Variants in UBE2G2 observed in about 807,000 individuals in gnomAD.
UBE2G2 encodes ubiquitin-conjugating enzyme E2 G2.
In UBE2G2, 10 loss-of-function variants were observed where a neutral mutation model predicts 23.0. That is an observed-to-expected ratio of 0.43 (90% confidence interval 0.27 to 0.74). UBE2G2 has a LOEUF of 0.74. Ranked by LOEUF, UBE2G2 falls within the 30% of genes least tolerant of loss-of-function variation. The pLI is 0.19. For synonymous variants in UBE2G2, 86 were observed against 81.3 expected, an observed-to-expected ratio of 1.06 and a Z score of -0.31; for missense variants, 150 against 218.3, an observed-to-expected ratio of 0.69 and a Z score of 1.97.
intron 4 of UBE2G2, chr21:44,776,982 C>T (rs782113718): frequency 1.7e-5 from 4 of 228,726 alleles, no homozygotes; most frequent in Non-Finnish European, 2.5e-5. Context: ...ACAAATAACA[C>T]TATGACAAAG....
intron 1 of UBE2G2, among the ~76,000 whole-genome samples, chr21:44,789,455 C>T (rs544377452): frequency 6.6e-6 from 1 of 150,894 alleles, no homozygotes; most frequent in African/African-American, 2.4e-5. Context: ...CCTTACAGAG[C>T]TATGGAAATT....
chr21:44,771,550 A>C lies in UBE2G2; in HGVS notation c.386-61T>G, dbSNP rs1555959956. 1.3e-5 allele frequency: 20 copies of C among 1,539,854 alleles called. No individual in the cohort carries two copies. The highest frequency in any genetic ancestry group is 1.8e-5 in the Non-Finnish European group (20 of 1,124,670). ...AGTCTTATACGTAAGCAGCCTGGCA[A>C]GGTCTCCCATTTATTTAAAACACTG... On this transcript the variant is annotated intron_variant, in intron 5 of 5. Coordinates refer to ENST00000345496, the MANE Select transcript of UBE2G2 (RefSeq NM_003343.6). This position sits in a 1 kb window ranked among gnomAD's most constrained non-coding sequence, Gnocchi z 4.6.
intron 1 of UBE2G2, among the ~76,000 whole-genome samples, chr21:44,790,220 G>A (rs1284243237): frequency 1.3e-5 from 2 of 152,192 alleles, no homozygotes; most frequent in African/African-American, 4.8e-5. Flanking sequence ...GGCAAGTTTA[G>A]CAAGTAGATC....
intron 3 of UBE2G2, among the ~76,000 whole-genome samples, chr21:44,780,276 G>C (rs1555961159): frequency 6.6e-6 from 1 of 152,228 alleles, no homozygotes; most frequent in East Asian, 1.9e-4. Flanking sequence ...ATGGGCAGTG[G>C]TGTGCAGCAG....
rs1255640049 is a variant in UBE2G2 at position 44,772,191 on chromosome 21, G to C, written c.386-702C>G. Among the ~76,000 whole-genome samples, 2 of 152,162 alleles carry C rather than the reference G, an allele frequency of 1.3e-5. No homozygotes were observed. Among genetic ancestry groups the C allele is most frequent in the African/African-American group, 4.8e-5 (2 of 41,426 alleles). On this transcript the variant is annotated intron_variant, in intron 5 of 5. Coordinates refer to ENST00000345496, the MANE Select transcript of UBE2G2 (RefSeq NM_003343.6). This position sits in a 1 kb window ranked among gnomAD's most constrained non-coding sequence, Gnocchi z 5.4. ...TGCACGTGGGGACCGGTTCAGAGCAGAGTTGATGAGGATAAAACCCACAGC... is the reference window on the plus strand; with the variant it reads ...TGCACGTGGGGACCGGTTCAGAGCACAGTTGATGAGGATAAAACCCACAGC...
intron 1 of UBE2G2, among the ~76,000 whole-genome samples, chr21:44,796,250 C>G (rs1473017182): frequency 2.0e-5 from 3 of 152,164 alleles, no homozygotes; most frequent in African/African-American, 7.2e-5. Flanking sequence ...GTTTATGAAC[C>G]TAGGCAAAAT....
intron 1 of UBE2G2, among the ~76,000 whole-genome samples, chr21:44,797,979 T>G (rs191931783): frequency 6.6e-6 from 1 of 151,852 alleles, no homozygotes; most frequent in South Asian, 2.1e-4. Context: ...CCTGACAACA[T>G]AGAGGGAGGT....
intron 3 of UBE2G2, among the ~76,000 whole-genome samples, chr21:44,784,656 G>A (rs1384507857): frequency 6.6e-6 from 1 of 152,214 alleles, no homozygotes; most frequent in African/African-American, 2.4e-5. Context: ...GGCCCCCAGT[G>A]TGAGAAGGGC....
chr21:44,800,484 C>A (rs2083126656), intron 1 of UBE2G2: 1 of 152,054 alleles, frequency 6.6e-6, no homozygotes, highest in African/African-American at 2.4e-5. Flanking sequence ...CTATAAGTAA[C>A]CTTGAGATGA....
intron 1 of UBE2G2, among the ~76,000 whole-genome samples, chr21:44,799,250 T>G (rs575721828): frequency 6.6e-6 from 1 of 152,346 alleles, no homozygotes; most frequent in Admixed American, 6.5e-5. Context: ...TGGCTTCAAC[T>G]CAGTCAACTT....
chr21:44,790,785 A>AT (rs1366025079), intron 1 of UBE2G2, among the ~76,000 whole-genome samples: 1 of 152,208 alleles, frequency 6.6e-6, no homozygotes, highest in East Asian at 1.9e-4. Flanking sequence ...GTGAAAACAG[A>AT]TGAATACAGT....
intron 3 of UBE2G2, among the ~76,000 whole-genome samples, chr21:44,782,773 C>T (rs1323707214): frequency 1.3e-5 from 2 of 152,206 alleles, no homozygotes; most frequent in East Asian, 1.9e-4. Context: ...TAACTCCATA[C>T]ATGACACTAA....
intron 3 of UBE2G2, among the ~76,000 whole-genome samples, chr21:44,783,603 G>T (rs1555961569): frequency 6.6e-6 from 1 of 152,228 alleles, no homozygotes; most frequent in Non-Finnish European, 1.5e-5. Context: ...CCAAGTACAA[G>T]AAGCCAGGCA....
intron 1 of UBE2G2, chr21:44,801,293 C>T (rs111269790): frequency 9.8e-7 from 1 of 1,018,486 alleles, no homozygotes; most frequent in East Asian, 9.1e-5. Context: ...CCTTTCAAAG[C>T]TCCACCAACG....
intron 4 of UBE2G2, among the ~76,000 whole-genome samples, chr21:44,776,393 T>C (rs235362): frequency 0.16 from 23,628 of 152,188 alleles, 1,947 homozygotes; most frequent in African/African-American, 0.2. Context: ...GTGCTTACTT[T>C]TCCAGTTATA....
At chr21:44,796,753 C>A (rs1474023952) in intron 1 of UBE2G2, among the ~76,000 whole-genome samples, 23 of 152,306 alleles carry the variant, frequency 1.5e-4, no homozygotes, top group African/African-American at 5.1e-4. Flanking sequence ...CAGAGTCTCA[C>A]CAGGGCTGCC....
At chr21:44,794,720 G>C (rs1555963416) in intron 1 of UBE2G2, among the ~76,000 whole-genome samples, 1 of 151,978 alleles carries the variant, frequency 6.6e-6, no homozygotes, top group African/African-American at 2.4e-5. Context: ...ATTTTTAGTA[G>C]AGAGGGGGTT....
chr21:44,780,175 A>C (rs1555961150), intron 3 of UBE2G2, among the ~76,000 whole-genome samples: 1 of 152,180 alleles, frequency 6.6e-6, no homozygotes, highest in East Asian at 1.9e-4. Context: ...TAAATATCAA[A>C]GTTATTTGCA....
intron 4 of UBE2G2, chr21:44,774,446 A>G (rs2082898496): frequency 4.3e-6 from 1 of 232,782 alleles, no homozygotes; most frequent in African/African-American, 2.4e-5. Context: ...CTGTAAAATT[A>G]TAAAGCCATT....
Sources: allele counts gnomAD v4.1 joint callset (sites outside exome capture counted in the v4.1 genomes callset), GRCh38; gene constraint gnomAD v4.1.1; non-coding constraint Gnocchi (gnomAD v3.1); transcripts MANE v1.5; gene names NCBI Gene and HGNC (gene_info 2026-07-23, HGNC 2026-07-21).